NCKAP1: variants seen among roughly 807,000 people sequenced by gnomAD.
NCKAP1 encodes NCK associated protein 1.
A neutral mutation model predicts 151.2 loss-of-function variants in NCKAP1; 21 were observed. The observed-to-expected ratio is 0.14, with a 90% CI of 0.10 to 0.20. The LOEUF (loss-of-function observed/expected upper bound fraction) is 0.20. Ranked by LOEUF, NCKAP1 falls within the 10% of genes least tolerant of loss-of-function variation. The pLI is 1.00. For synonymous variants in NCKAP1, 484 were observed against 451.8 expected (o/e 1.07, Z -0.90); for missense variants, 933 against 1,352.1 (o/e 0.69, Z 4.86).
chr2:183,017,305 A>G (rs1698711451), intron 2 of NCKAP1, among the ~76,000 whole-genome samples: 1 of 152,200 alleles, frequency 6.6e-6, no homozygotes, highest in South Asian at 2.1e-4. Context: ...ATGTAATGAA[A>G]TAATTACACA....
In NCKAP1 at chr2:182,968,483, C is replaced by T. The variant is rs150661567; in HGVS notation, c.1483-1122G>A. On this transcript the variant is annotated intron_variant, in intron 15 of 30. Transcript: ENST00000361354. ...AGCCTGAGCCACTCATTCTCTAGGC[C>T]ATTTCTTAGGGTTATATTTGCAGCT... Among the ~76,000 whole-genome samples, 1,180 of 152,256 alleles carry T rather than the reference C, an allele frequency of 7.8e-3. 46 individuals carry two copies. The highest frequency in any genetic ancestry group is 0.066 in the Admixed American group (1,003 of 15,280).
chr2:182,928,784 T>A lies in NCKAP1; in HGVS notation c.3069A>T (p.Glu1023Asp). 1.3e-6 allele frequency: 2 copies of A among 1,576,132 alleles called. No individual in the cohort carries two copies. Among genetic ancestry groups the A allele is most frequent in the Non-Finnish European group, 1.7e-6 (2 of 1,156,628 alleles). The change falls in exon 28 of 31, where the codon GAA becomes GAT. Residue 1023 changes from glutamate (E) to aspartate (D), a missense_variant and splice_region_variant. Coordinates refer to ENST00000361354, the MANE Select transcript of NCKAP1 (RefSeq NM_013436.5). ...AAAACAATTTTAAACCACTATTACC[T>A]TCTATAGCAGGGCTGTACTGAGACA... ...NVMSQYSPAI[E>D]GHCNNIHCLA... is the part of the protein sequence containing the mutation.
chr2:183,029,101 G>C (rs1460920454), intron 1 of NCKAP1, among the ~76,000 whole-genome samples: 3 of 151,942 alleles, frequency 2.0e-5, no homozygotes, highest in Non-Finnish European at 4.4e-5. Flanking sequence ...TGGGCAACAA[G>C]AGTGAAACTC....
intron 16 of NCKAP1, 100 bp downstream of exon 16, chr2:182,967,116 C>G (rs1037639084): frequency 9.2e-7 from 1 of 1,082,430 alleles, no homozygotes; most frequent in African/African-American, 1.6e-5. Flanking sequence ...GGATCTATTA[C>G]TGAACTGTCT....
chr2:182,982,483 T>C lies in NCKAP1; in HGVS notation c.1208+338A>G, dbSNP rs1300630239. Among the ~76,000 whole-genome samples the C allele has an allele frequency of 2.0e-5, 3 of 152,190 alleles. No homozygotes were observed. In the South Asian group the frequency reaches 6.2e-4, roughly 31 times the overall value. The stretch of plus-strand genomic sequence containing the variant: ...TTTAGTACAAATTGTACTTTGAATT[T>C]TGACTTTTTTTCCAGGCTAGCAATA... On this transcript the variant is annotated intron_variant, in intron 12 of 30. Coordinates refer to ENST00000361354, the MANE Select transcript of NCKAP1 (RefSeq NM_013436.5).
At chr2:183,020,824 T>C (rs1444242225) in intron 2 of NCKAP1, among the ~76,000 whole-genome samples, 1 of 152,132 alleles carries the variant, frequency 6.6e-6, no homozygotes, top group Non-Finnish European at 1.5e-5. Context: ...AAAATAATAA[T>C]AGAACTGAAA....
chr2:182,986,252 GTTAGT>G, intron 9 of NCKAP1, 25 bp from the exon 10 acceptor site: 2 of 1,566,466 alleles, frequency 1.3e-6, no homozygotes, highest in Non-Finnish European at 1.8e-6. Flanking sequence ...AAATTAGAAC[GTTAGT>G]TTAATTTGAT....
intron 2 of NCKAP1, among the ~76,000 whole-genome samples, chr2:183,022,640 G>C (rs181727239): frequency 6.6e-6 from 1 of 152,064 alleles, no homozygotes; most frequent in African/African-American, 2.4e-5. Flanking sequence ...AATCTTTTAT[G>C]AAACCTCTAC....
intron 6 of NCKAP1, among the ~76,000 whole-genome samples, chr2:183,001,354 T>C (rs1698369986): frequency 6.6e-6 from 1 of 152,188 alleles, no homozygotes; most frequent in Non-Finnish European, 1.5e-5. Flanking sequence ...CTGCAGAGAA[T>C]CCATAATGAC....
intron 2 of NCKAP1, among the ~76,000 whole-genome samples, chr2:183,012,621 CTT>C (rs1195286454): frequency 6.6e-5 from 9 of 136,280 alleles, no homozygotes; most frequent in Admixed American, 1.5e-4. Flanking sequence ...CCCCTTACGC[CTT>C]TTTTTTTTTT....
chr2:183,037,704 G>T (rs1699130437), intron 1 of NCKAP1, among the ~76,000 whole-genome samples: 1 of 152,168 alleles, frequency 6.6e-6, no homozygotes, highest in South Asian at 2.1e-4. Context: ...ACAGCTCCCG[G>T]CTCCCAGCGG....
intron 1 of NCKAP1, among the ~76,000 whole-genome samples, chr2:183,025,778 C>A (rs1016417955): frequency 6.6e-6 from 1 of 152,090 alleles, no homozygotes; most frequent in Non-Finnish European, 1.5e-5. Context: ...ACACAAATAG[C>A]TATAGATTAG....
chr2:182,935,177 A>C, intron 25 of NCKAP1, 116 bp downstream of exon 25: 1 of 791,582 alleles, frequency 1.3e-6, no homozygotes, highest in Non-Finnish European at 2.0e-6. Flanking sequence ...TAACTACTAA[A>C]ACTGGAATTT....
intron 18 of NCKAP1, among the ~76,000 whole-genome samples, chr2:182,959,170 G>C (rs560132007): frequency 9.3e-4 from 142 of 152,082 alleles, no homozygotes; most frequent in Non-Finnish European, 1.7e-3. Flanking sequence ...TGGTATTTGG[G>C]GAAAAAAATG....
chr2:182,995,678 A>G (rs781629644), intron 7 of NCKAP1, 23 bp downstream of exon 7: 1 of 1,592,920 alleles, frequency 6.3e-7, no homozygotes, highest in East Asian at 2.2e-5. Flanking sequence ...ATTTTCATTC[A>G]AAAGAGAAAA....
chr2:182,960,414 C>A (rs1697422044), intron 18 of NCKAP1, among the ~76,000 whole-genome samples: 1 of 152,176 alleles, frequency 6.6e-6, no homozygotes, highest in Non-Finnish European at 1.5e-5. Flanking sequence ...ACAAAGCCCT[C>A]AGAAATAATG....
In NCKAP1 at chr2:182,924,796, A is replaced by G. The variant is rs1575008190; in HGVS notation, c.*906T>C. On this transcript the variant is annotated 3_prime_UTR_variant, in exon 31 of 31. Coordinates refer to ENST00000361354, the MANE Select transcript of NCKAP1 (RefSeq NM_013436.5). ...GAATGCTGTACTTAGACATTCCTAA[A>G]CCATTATTTTTTATATTTCAAACTA... 1 of 152,254 alleles carries G rather than the reference A, an allele frequency of 6.6e-6. No homozygotes were observed. 9.4% of individuals were successfully genotyped at this position (152,254 alleles called of 1,614,324 possible). A position where few individuals can be genotyped will look rare whatever the true frequency, so the allele number is the denominator to read the frequency against.
rs372242301 is a variant in NCKAP1 at position 182,982,758 on chromosome 2, C to A, written c.1208+63G>T. The A allele has an allele frequency of 4.7e-6, 5 of 1,074,554 alleles. No individual in the cohort carries two copies. The South Asian group carries it at 6.5e-5, about 14-fold the overall frequency. 66.6% of individuals were successfully genotyped at this position (1,074,554 alleles called of 1,614,324 possible). A position where few individuals can be genotyped will look rare whatever the true frequency, so the allele number is the denominator to read the frequency against. On this transcript the variant is annotated intron_variant, in intron 12 of 30. Transcript: ENST00000361354. Reference sequence around the variant, plus strand: ...TTACAATAGGTCTATCAGGACATAACCCCATTGTAAATCAAGAAGCATCTA... The same window carrying A: ...TTACAATAGGTCTATCAGGACATAAACCCATTGTAAATCAAGAAGCATCTA...
chr2:182,956,441 A>C (rs1697329650), intron 20 of NCKAP1, 21 bp downstream of exon 20: 1 of 1,603,010 alleles, frequency 6.2e-7, no homozygotes, highest in African/African-American at 1.3e-5. Flanking sequence ...ACAAACAAAA[A>C]CAGTCAATAT....
Sources: gnomAD v4.1 joint callset for allele counts (sites outside exome capture counted in the v4.1 genomes callset) on GRCh38, gnomAD v4.1.1 for gene constraint, MANE v1.5 for transcripts, NCBI Gene and HGNC (gene_info 2026-07-23, HGNC 2026-07-21) for gene names.